Variants in VTI1B observed in about 807,000 individuals in gnomAD.
The protein encoded by VTI1B is vesicle transport through interaction with t-SNAREs 1B.
In VTI1B, 18 loss-of-function variants were observed where a neutral mutation model predicts 28.6. The observed-to-expected ratio is 0.63, with a 90% CI of 0.43 to 0.93. The LOEUF is 0.93. Ranked by LOEUF, VTI1B falls within the 40% of genes least tolerant of loss-of-function variation. The probability of loss-of-function intolerance (pLI) is 0.00; values close to 1 mark genes in which losing one functional copy is unlikely to be tolerated. For synonymous variants in VTI1B, 100 were observed against 107.9 expected (o/e 0.93, Z 0.46); for missense variants, 283 against 297.0 (o/e 0.95, Z 0.35).
At chr14:67,655,718 T>G (rs1326886883) in intron 4 of VTI1B, among the ~76,000 whole-genome samples, 2 of 152,192 alleles carry the variant, frequency 1.3e-5, no homozygotes, top group Non-Finnish European at 2.9e-5. Flanking sequence ...GTGTGAGAAA[T>G]TAAAATCTCA....
intron 4 of VTI1B, among the ~76,000 whole-genome samples, chr14:67,654,526 C>G (rs1454572863): frequency 2.0e-5 from 3 of 152,114 alleles, no homozygotes; most frequent in Non-Finnish European, 4.4e-5. Flanking sequence ...CCATAGCTTG[C>G]CTTGAATGTA....
rs937516302 is a variant in VTI1B, at chr14:67,648,584, G to C, written c.*2801C>G. On this transcript the variant is annotated 3_prime_UTR_variant, in exon 6 of 6. Transcript: ENST00000554659. ...GAGTTGTGAATTTGGAGCTAAAGCT[G>C]ATCTCTTGAAGAAATCTGCAAACTG... 1.3e-5 allele frequency: 2 copies of C among 156,796 alleles called. No homozygotes were observed. The highest frequency in any genetic ancestry group is 1.3e-4 in the Admixed American group (2 of 15,682). 9.7% of individuals were successfully genotyped at this position (156,796 alleles called of 1,614,324 possible). A position where few individuals can be genotyped will look rare whatever the true frequency, so the allele number is the denominator to read the frequency against.
rs201093539 is a variant in VTI1B at position 67,651,208 on chromosome 14, T to C, written c.*177A>G. On this transcript the variant is annotated 3_prime_UTR_variant, in exon 6 of 6. Transcript: ENST00000554659. The stretch of plus-strand genomic sequence containing the variant: ...GTATATCATACTGGTCTTGTTGCTG[T>C]TGTTCCTTCACATTTAAGTGGTTTT... The C allele has an allele frequency of 3.2e-6, 4 of 1,246,410 alleles. No individual in the cohort carries two copies. The highest frequency in any genetic ancestry group is 4.3e-6 in the Non-Finnish European group (4 of 936,444). 77.2% of individuals were successfully genotyped at this position (1,246,410 alleles called of 1,614,324 possible).
At position 67,651,489 on chromosome 14, in the gene VTI1B, G is replaced by C; in HGVS notation, c.603-8C>G. 1 of 1,613,316 alleles carries C rather than the reference G, an allele frequency of 6.2e-7. No homozygotes were observed. The highest frequency in any genetic ancestry group is 8.5e-7 in the Non-Finnish European group (1 of 1,179,418). On this transcript the variant is annotated splice_polypyrimidine_tract_variant and splice_region_variant and intron_variant, in intron 5 of 5. Coordinates refer to ENST00000554659, the MANE Select transcript of VTI1B (RefSeq NM_006370.3). ...AGCTTGTTGGTTGTCACTCTACAAAGAGAAGCAAAGTGGGGAGTAGTCAGA... is the reference window on the plus strand; with the variant it reads ...AGCTTGTTGGTTGTCACTCTACAAACAGAAGCAAAGTGGGGAGTAGTCAGA...
intron 3 of VTI1B, 33 bp downstream of exon 3, chr14:67,659,697 GA>G (rs752876291): frequency 2.7e-4 from 388 of 1,438,366 alleles, no homozygotes; most frequent in Admixed American, 1.2e-3. Context: ...GCCCTTAAAG[GA>G]AAAAAAAAAC....
At position 67,656,475 on chromosome 14, in the gene VTI1B, A is replaced by T; in HGVS notation, c.481T>A (p.Ser161Thr). ...TCCCCCAGCTCTTCTATGATTTCTG[A>T]GCCAATCTGGTCAGTCTCTGTGGCA... The part of the protein sequence containing the change: ...RIATETDQIG[S>T]EIIEELGEQR... The change falls in exon 4 of 6, where the codon TCA (serine) becomes ACA (threonine). Residue 161 changes from serine to threonine, a missense_variant. Coordinates refer to ENST00000554659, the MANE Select transcript of VTI1B (RefSeq NM_006370.3). 6.2e-7 allele frequency: 1 copy of T among 1,613,594 alleles called. No homozygotes were observed.
At chr14:67,670,696 TTTTTGTATTTTGAGTAGAGATGGG>T (rs2037455081) in intron 1 of VTI1B, among the ~76,000 whole-genome samples, 1 of 152,100 alleles carries the variant, frequency 6.6e-6, no homozygotes, top group Admixed American at 6.5e-5. Context: ...ACCCAGCTAA[TTTTTGTATTTTGAGTAGAGATGGG>T]GTTTCACCAT....
intron 1 of VTI1B, among the ~76,000 whole-genome samples, chr14:67,671,850 C>T (rs1458794751): frequency 6.6e-6 from 1 of 152,152 alleles, no homozygotes; most frequent in Non-Finnish European, 1.5e-5. Flanking sequence ...TGAACTAACC[C>T]ACTCTCTCAA....
At chr14:67,659,608 T>TG in intron 3 of VTI1B, 123 bp downstream of exon 3, 6 of 989,704 alleles carry the variant, frequency 6.1e-6, no homozygotes, top group Non-Finnish European at 8.4e-6. Context: ...AGGATAAGGG[T>TG]GAAAAAAATG....
At chr14:67,652,017 G>A (rs115987468) in intron 5 of VTI1B, among the ~76,000 whole-genome samples, 287 of 152,264 alleles carry the variant, frequency 1.9e-3, no homozygotes, top group African/African-American at 6.7e-3. Context: ...GTTCACTCTA[G>A]GTTTCTCCCT....
chr14:67,657,937 CAG>C (rs1409180095), intron 3 of VTI1B, among the ~76,000 whole-genome samples: 3 of 151,802 alleles, frequency 2.0e-5, no homozygotes, highest in African/African-American at 4.8e-5. Flanking sequence ...TTAGTAGAGA[CAG>C]GGTTTCACCA....
rs979764267 is a variant in VTI1B, at chr14:67,659,988, A to C, written c.175-66T>G. ...CCCTCACTCATTTGGAAATATGCCT[A>C]GTTTGGACTAATCAAACTACTTATT... On this transcript the variant is annotated intron_variant, in intron 2 of 5. Transcript: ENST00000554659. The C allele has an allele frequency of 5.4e-6, 8 of 1,473,860 alleles. No individual in the cohort carries two copies. In the African/African-American group the frequency reaches 1.1e-4, roughly 21 times the overall value. The allele number at this position is 1,473,860 out of a possible 1,614,324, so 91.3% of individuals were successfully genotyped here.
intron 4 of VTI1B, among the ~76,000 whole-genome samples, chr14:67,653,921 G>C (rs1019781135): frequency 5.9e-5 from 9 of 152,154 alleles, no homozygotes; most frequent in African/African-American, 2.2e-4. Context: ...TTTGGGATCT[G>C]GTTTTTTTCT....
rs370005314 is a variant in VTI1B, at chr14:67,650,847, A to G, written c.*538T>C. On this transcript the variant is annotated 3_prime_UTR_variant, in exon 6 of 6. Coordinates refer to ENST00000554659, the MANE Select transcript of VTI1B (RefSeq NM_006370.3). ...TTTGGTCAGACAAGAGAAGGAGGGC[A>G]TATTGTCTATGACCAACTTCCTACT... 3 of 1,614,060 alleles carry G rather than the reference A, an allele frequency of 1.9e-6. No homozygotes were observed. Among genetic ancestry groups the G allele is most frequent in the Non-Finnish European group, 2.5e-6 (3 of 1,180,026 alleles).
At chr14:67,657,400 C>T (rs1448831927) in intron 3 of VTI1B, among the ~76,000 whole-genome samples, 3 of 152,118 alleles carry the variant, frequency 2.0e-5, no homozygotes, top group East Asian at 1.9e-4. Context: ...GTATCTGGGG[C>T]TTGAGCAAGC....
chr14:67,658,411 G>C (rs969373220), intron 3 of VTI1B, among the ~76,000 whole-genome samples: 1 of 151,906 alleles, frequency 6.6e-6, no homozygotes, highest in African/African-American at 2.4e-5. Context: ...TGGCTAACAC[G>C]GTGAAACCCC....
In VTI1B at chr14:67,650,507, C is replaced by A. The variant is rs917763797; in HGVS notation, c.*878G>T. The A allele has an allele frequency of 3.4e-6, 2 of 583,260 alleles. No homozygotes were observed. Among genetic ancestry groups the A allele is most frequent in the Admixed American group, 6.0e-5 (2 of 33,278 alleles). The allele number at this position is 583,260 out of a possible 1,614,324, so 36.1% of individuals were successfully genotyped here. A position where few individuals can be genotyped will look rare whatever the true frequency, so the allele number is the denominator to read the frequency against. Reference sequence around the variant, plus strand: ...TTTATTTCATTATCTTAAAAGGTTTCTTTTAATCTACTATAGCACAACAGT... The same window carrying A: ...TTTATTTCATTATCTTAAAAGGTTTATTTTAATCTACTATAGCACAACAGT... On this transcript the variant is annotated 3_prime_UTR_variant, in exon 6 of 6. Coordinates refer to ENST00000554659, the MANE Select transcript of VTI1B (RefSeq NM_006370.3).
chr14:67,659,209 C>T (rs749429564), intron 3 of VTI1B, among the ~76,000 whole-genome samples: 4 of 152,188 alleles, frequency 2.6e-5, no homozygotes, highest in Admixed American at 2.0e-4. Flanking sequence ...AGCTCCTTCT[C>T]GAGAAGCGCC....
intron 1 of VTI1B, among the ~76,000 whole-genome samples, chr14:67,667,220 C>G (rs969402573): frequency 6.6e-6 from 1 of 152,220 alleles, no homozygotes; most frequent in African/African-American, 2.4e-5. Flanking sequence ...GGCAGCCTCT[C>G]TTCCTTATGG....
Sources: gnomAD v4.1 joint callset for allele counts (sites outside exome capture counted in the v4.1 genomes callset) on GRCh38, gnomAD v4.1.1 for gene constraint, MANE v1.5 for transcripts, NCBI Gene and HGNC (gene_info 2026-07-23, HGNC 2026-07-21) for gene names.